FHIT: variants seen among roughly 807,000 people sequenced by gnomAD.
FHIT encodes fragile histidine triad diadenosine triphosphatase, also known as bis(5'-adenosyl)-triphosphatase.
Under a neutral mutation model 17.9 loss-of-function variants are expected in FHIT, and 19 were observed. That is an observed-to-expected ratio of 1.06 (90% CI 0.74 to 1.56). FHIT has a LOEUF of 1.56. FHIT is among the 40% of genes most tolerant of loss of function. The probability of loss-of-function intolerance (pLI) is 0.00; values close to 1 mark genes in which losing one functional copy is unlikely to be tolerated. For missense variants in FHIT, 248 were observed against 189.2 expected (o/e 1.31, Z -1.82); for synonymous variants, 81 against 69.7 (o/e 1.16, Z -0.81).
chr3:60,058,142 T>G (rs1022143524), intron 5 of FHIT, among the ~76,000 whole-genome samples: 8 of 132,104 alleles, frequency 6.1e-5, no homozygotes, highest in African/African-American at 2.3e-4. Flanking sequence ...TTTTTTTTTT[T>G]TTTTTTTTTT....
intron 5 of FHIT, among the ~76,000 whole-genome samples, chr3:60,319,869 T>A (rs1709342041): frequency 6.6e-6 from 1 of 152,082 alleles, no homozygotes; most frequent in Non-Finnish European, 1.5e-5. Context: ...TTCTTTAATT[T>A]CATGGGAAGG....
At chr3:59,847,981 C>T (rs910194643) in intron 8 of FHIT, among the ~76,000 whole-genome samples, 2 of 152,146 alleles carry the variant, frequency 1.3e-5, no homozygotes, top group African/African-American at 4.8e-5. Context: ...TTTAAATTCC[C>T]TAGGAGTCAC....
At chr3:60,616,712 G>A (rs2038962427) in intron 4 of FHIT, 1 of 152,194 alleles carries the variant, frequency 6.6e-6, no homozygotes. Context: ...CACATACGCA[G>A]ACAGGAAATC....
intron 5 of FHIT, among the ~76,000 whole-genome samples, chr3:60,353,853 A>T (rs2106955529): frequency 6.6e-6 from 1 of 152,286 alleles, no homozygotes; most frequent in East Asian, 1.9e-4. Context: ...AGAAGTGTGT[A>T]AAGAAGTTGA....
chr3:60,918,231 C>T (rs1489212539), intron 3 of FHIT, among the ~76,000 whole-genome samples: 2 of 152,174 alleles, frequency 1.3e-5, no homozygotes, highest in Non-Finnish European at 2.9e-5. Flanking sequence ...GTCCATTAAA[C>T]CTCTTTTTCT....
chr3:60,440,996 G>C (rs1316174789), intron 5 of FHIT, among the ~76,000 whole-genome samples: 1 of 152,066 alleles, frequency 6.6e-6, no homozygotes, highest in Admixed American at 6.6e-5. Flanking sequence ...ATAATAACAA[G>C]TTAAAAAGAG....
intron 2 of FHIT, among the ~76,000 whole-genome samples, chr3:61,148,519 G>A (rs2037292513): frequency 6.6e-6 from 1 of 152,038 alleles, no homozygotes; most frequent in Non-Finnish European, 1.5e-5. Flanking sequence ...CATCCATATT[G>A]TATATATTTG....
chr3:60,846,944 C>A (rs1702949590), intron 3 of FHIT, among the ~76,000 whole-genome samples: 1 of 152,084 alleles, frequency 6.6e-6, no homozygotes. Flanking sequence ...CTGCCTCAGG[C>A]TCCCGAGTAG....
intron 5 of FHIT, among the ~76,000 whole-genome samples, chr3:60,109,250 AAAGCCCAGT>A (rs1704565176): frequency 6.6e-6 from 1 of 152,190 alleles, no homozygotes; most frequent in Admixed American, 6.5e-5. Context: ...CTTCAGCATA[AAAGCCCAGT>A]AAGAAATATT....
intron 2 of FHIT, among the ~76,000 whole-genome samples, chr3:61,192,733 T>TC (rs1341954316): frequency 6.6e-6 from 1 of 151,782 alleles, no homozygotes. Context: ...CCACCCACAT[T>TC]CCCCAAAATC....
chr3:60,464,794 C>T (rs1027607113), intron 5 of FHIT, among the ~76,000 whole-genome samples: 1 of 152,132 alleles, frequency 6.6e-6, no homozygotes, highest in Non-Finnish European at 1.5e-5. Flanking sequence ...CAAATCTTGG[C>T]TAGTGTGAAC....
At chr3:60,560,548 A>G (rs1264055526) in intron 4 of FHIT, among the ~76,000 whole-genome samples, 2 of 151,758 alleles carry the variant, frequency 1.3e-5, no homozygotes, top group African/African-American at 4.8e-5. Flanking sequence ...CTGTTCCCTC[A>G]CCCCAGGTCT....
chr3:59,948,771 A>T (rs1353224706), intron 7 of FHIT, among the ~76,000 whole-genome samples: 1 of 151,982 alleles, frequency 6.6e-6, no homozygotes, highest in Non-Finnish European at 1.5e-5. Context: ...TATTATCTTC[A>T]ATGAAATGTC....
At chr3:59,887,880 A>G (rs1339175363) in intron 8 of FHIT, among the ~76,000 whole-genome samples, 1 of 152,202 alleles carries the variant, frequency 6.6e-6, no homozygotes, top group Non-Finnish European at 1.5e-5. Context: ...ATTCCTGTCC[A>G]TGGTCTCTCC....
At chr3:59,869,675 G>C (rs1702831787) in intron 8 of FHIT, among the ~76,000 whole-genome samples, 1 of 149,704 alleles carries the variant, frequency 6.7e-6, no homozygotes, top group South Asian at 2.1e-4. Flanking sequence ...ATTTTTAGTA[G>C]AGACAGGGTT....
At chr3:60,800,468 C>G (rs1422975677) in intron 4 of FHIT, among the ~76,000 whole-genome samples, 3 of 152,090 alleles carry the variant, frequency 2.0e-5, no homozygotes, top group Non-Finnish European at 4.4e-5. Context: ...CTCTTACATC[C>G]CACTCAGGAA....
chr3:59,876,591 C>A (rs144598718), intron 8 of FHIT, among the ~76,000 whole-genome samples: 6 of 151,798 alleles, frequency 4.0e-5, no homozygotes, highest in African/African-American at 1.5e-4. Flanking sequence ...GGGACTCATA[C>A]CTTTGGTGGG....
At chr3:59,758,534 T>C (rs1355265349) in intron 8 of FHIT, among the ~76,000 whole-genome samples, 1 of 152,186 alleles carries the variant, frequency 6.6e-6, no homozygotes, top group East Asian at 1.9e-4. Context: ...TCAGTGATCT[T>C]TCAGTCCCTC....
At chr3:59,874,263 C>T (rs142191232) in intron 8 of FHIT, among the ~76,000 whole-genome samples, 6 of 152,300 alleles carry the variant, frequency 3.9e-5, no homozygotes, top group East Asian at 1.9e-4. Flanking sequence ...AAAACAATTT[C>T]GTGCCATGTG....
Sources: gnomAD v4.1 joint callset for allele counts (sites outside exome capture counted in the v4.1 genomes callset) on GRCh38, gnomAD v4.1.1 for gene constraint, MANE v1.5 for transcripts, NCBI Gene and HGNC (gene_info 2026-07-23, HGNC 2026-07-21) for gene names.